Variants in COMMD5 observed in about 807,000 individuals in gnomAD.
The protein encoded by COMMD5 is COMM domain containing 5, also known as COMM domain-containing protein 5.
Under a neutral mutation model 6.9 loss-of-function variants are expected in COMMD5, and 10 were observed. The observed-to-expected ratio is 1.44, with a 90% CI of 0.89 to 2.45. The LOEUF (loss-of-function observed/expected upper bound fraction) is 2.45. COMMD5 is among the 30% of genes most tolerant of loss of function. The pLI, the probability that COMMD5 is intolerant of heterozygous loss-of-function variation, is 0.00. For synonymous variants in COMMD5, 127 were observed against 125.3 expected (o/e 1.01, Z -0.09); for missense variants, 234 against 287.8 (o/e 0.81, Z 1.35).
exon 2 of COMMD5, chr8:144,841,372 G>A (rs1289231584): frequency 6.2e-7 from 1 of 1,605,416 alleles, no homozygotes; most frequent in Non-Finnish European, 8.5e-7. Flanking sequence ...GATTAGGACT[G>A]AAAATGAGCA....
chr8:144,838,825 CCAG>C (rs2130648555), downstream of COMMD5: 2 of 148,248 alleles, frequency 1.3e-5, no homozygotes, highest in South Asian at 4.3e-4. Context: ...GCCTGTAGTC[CCAG>C]CTACTCGGGA....
At chr8:144,843,726 C>G (rs1290644745) in intron 1 of COMMD5, 1 of 152,154 alleles carries the variant, frequency 6.6e-6, no homozygotes, top group African/African-American at 2.4e-5. Context: ...TTGACAGGTC[C>G]CTGTGAATGA....
intron 1 of COMMD5, chr8:144,843,212 CCTTAA>C: frequency 4.7e-6 from 7 of 1,503,390 alleles, no homozygotes; most frequent in Non-Finnish European, 6.2e-6. Flanking sequence ...AAACCTATAG[CCTTAA>C]CTTACTTATT....
intron 1 of COMMD5, 107 bp from the exon 2 acceptor site, chr8:144,851,502 C>T: frequency 1.3e-6 from 1 of 770,430 alleles, no homozygotes. Flanking sequence ...TGTGAACTAC[C>T]AATGACAGTC....
chr8:144,850,775 G>T lies in COMMD5; in HGVS notation c.564C>A (p.Tyr188Ter). The change falls in exon 2 of 2, where the codon TAC becomes TAA. Residue 188 changes from tyrosine (Y) to a stop codon, truncating the protein, a stop_gained. Transcript: ENST00000305103. LOFTEE classifies it high-confidence loss of function. The surrounding 1 kb of genome is among the most constrained non-coding windows in gnomAD (Gnocchi z 4.0). ...MQLKLSDGSAYRFEVPTAKFQ... is the reference protein window; with the variant it reads ...MQLKLSDGSA ...ACTTGGCTGTGGGGACCTCAAAGCG[G>T]TATGCTGACCCATCTGAAAGCTTCA... 6.2e-7 allele frequency: 1 copy of T among 1,614,150 alleles called. No homozygotes were observed. The highest frequency in any genetic ancestry group is 1.1e-5 in the South Asian group (1 of 91,080).
chr8:144,841,140 T>G lies in COMMD5; in HGVS notation c.*720A>C, dbSNP rs1325635888. Reference sequence around the variant, plus strand: ...CCCAGCCCTGCCCCAGCAATGAACATTCATTGCTATCGAATGAGTGAACAA... The same window carrying G: ...CCCAGCCCTGCCCCAGCAATGAACAGTCATTGCTATCGAATGAGTGAACAA... On this transcript the variant is annotated 3_prime_UTR_variant and NMD_transcript_variant, in exon 2 of 2. Coordinates refer to the COMMD5 transcript ENST00000530332. The G allele has an allele frequency of 1.1e-5, 6 of 566,604 alleles. No homozygotes were observed. In the Admixed American group the frequency reaches 1.9e-4, roughly 18 times the overall value. The allele number at this position is 566,604 out of a possible 1,614,324, so 35.1% of individuals were successfully genotyped here.
rs765088019 is a variant in COMMD5, at chr8:144,850,808, C to G, written c.531G>C (p.Leu177=). ...ACCCATCTGAAAGCTTCAGCTGCAT[C>G]AGGACGCTCGGCTGCAGGGAGCGAG... ...ALARSLQPSV[L]MQLKLSDGSA... Residue 177 remains leucine, a synonymous_variant, in exon 2 of 2, where the codon CTG becomes CTC. Transcript: ENST00000305103. The surrounding 1 kb of genome is among the most constrained non-coding windows in gnomAD (Gnocchi z 4.0). The G allele has an allele frequency of 6.2e-7, 1 of 1,614,024 alleles. No individual in the cohort carries two copies. The highest frequency in any genetic ancestry group is 1.7e-5 in the Admixed American group (1 of 60,024).
upstream of COMMD5, chr8:144,853,113 G>A (rs1435021837): frequency 6.6e-6 from 1 of 152,270 alleles, no homozygotes; most frequent in East Asian, 1.9e-4. Context: ...GTGGTCCGCT[G>A]GCCCGAGGGG....
intron 1 of COMMD5, chr8:144,843,160 A>T (rs773600162): frequency 6.3e-7 from 1 of 1,586,936 alleles, no homozygotes. Context: ...AAAAATTCAC[A>T]TGGGATAGAC....
downstream of COMMD5, among the ~76,000 whole-genome samples, chr8:144,845,209 C>T (rs1442442570): frequency 6.6e-6 from 1 of 152,160 alleles, no homozygotes; most frequent in African/African-American, 2.4e-5. Context: ...GTGGCCATTC[C>T]ACCTAGGAGG....
rs753958807 is a variant in COMMD5, at chr8:144,850,987, T to G, written c.352A>C (p.Ile118Leu). ...TFRDQLQELC[I>L]PQDLVGDLAS... ...AAGTCCCCGACCAGGTCTTGGGGGA[T>G]GCAGAGCTCCTGGAGCTGGTCCCTG... The change falls in exon 2 of 2, where the codon ATC becomes CTC. Residue 118 changes from isoleucine (I) to leucine (L), a missense_variant. Physicochemically the swap from Ile to Leu is conservative, Grantham distance 5. Coordinates refer to ENST00000305103, the MANE Select transcript of COMMD5 (RefSeq NM_014066.4). This position sits in a 1 kb window ranked among gnomAD's most constrained non-coding sequence, Gnocchi z 4.0. 10 of 1,612,178 alleles carry G rather than the reference T, an allele frequency of 6.2e-6. No individual in the cohort carries two copies. The highest frequency in any genetic ancestry group is 7.6e-6 in the Non-Finnish European group (9 of 1,179,690).
downstream of COMMD5, among the ~76,000 whole-genome samples, chr8:144,848,504 A>G (rs1388852117): frequency 1.3e-5 from 2 of 151,934 alleles, no homozygotes; most frequent in African/African-American, 4.8e-5. Flanking sequence ...GTCTCAAAAA[A>G]AAAAAAAGAT....
intron 1 of COMMD5, chr8:144,843,376 T>C: frequency 1.9e-6 from 1 of 539,512 alleles, no homozygotes; most frequent in Non-Finnish European, 3.1e-6. Context: ...CATCACGAGG[T>C]CAGGAGGTTG....
downstream of COMMD5, chr8:144,846,239 A>G (rs1830505768): frequency 1.3e-6 from 2 of 1,482,356 alleles, no homozygotes; most frequent in Admixed American, 4.1e-5. Flanking sequence ...CAACCAGCCA[A>G]AAAGGGGCTG....
chr8:144,843,451 G>C (rs569134801), intron 1 of COMMD5: 3 of 252,964 alleles, frequency 1.2e-5, no homozygotes, highest in Non-Finnish European at 2.2e-5. Flanking sequence ...AGCTGGGCGT[G>C]GTGGCAGGCA....
At chr8:144,846,029 C>T, downstream of COMMD5, 2 of 1,536,642 alleles carry the variant, frequency 1.3e-6, no homozygotes, top group South Asian at 1.2e-5. Context: ...CCCACATGCA[C>T]CGCCTGCAAC....
downstream of COMMD5, chr8:144,845,872 C>A: frequency 8.9e-7 from 1 of 1,125,754 alleles, no homozygotes; most frequent in Non-Finnish European, 1.3e-6. Context: ...GTGTCCCTGC[C>A]TTGCGTCACG....
intron 1 of COMMD5, chr8:144,843,295 A>C (rs1251201053): frequency 1.6e-6 from 2 of 1,225,436 alleles, no homozygotes; most frequent in African/African-American, 3.0e-5. Flanking sequence ...GCTCTCAAGA[A>C]TATCCAACTT....
At chr8:144,842,422 A>C (rs1362499608) in intron 1 of COMMD5, 1 of 1,614,054 alleles carries the variant, frequency 6.2e-7, no homozygotes, top group Non-Finnish European at 8.5e-7. Context: ...CACTGGAGAG[A>C]AGCCTTATAA....
Sources: gnomAD v4.1 joint callset for allele counts (sites outside exome capture counted in the v4.1 genomes callset) on GRCh38, gnomAD v4.1.1 for gene constraint, Gnocchi (gnomAD v3.1) non-coding constraint, MANE v1.5 for transcripts, NCBI Gene and HGNC (gene_info 2026-07-23, HGNC 2026-07-21) for gene names.